CSMD1: variants seen among roughly 807,000 people sequenced by gnomAD.
CSMD1 encodes CUB and Sushi multiple domains 1.
Under a neutral mutation model 417.5 loss-of-function variants are expected in CSMD1, and 213 were observed. That is an observed-to-expected ratio of 0.51 (90% CI 0.46 to 0.57). The LOEUF (loss-of-function observed/expected upper bound fraction) is 0.57. Ranked by LOEUF, CSMD1 falls within the 20% of genes least tolerant of loss-of-function variation. The pLI, the probability that CSMD1 is intolerant of heterozygous loss-of-function variation, is 0.00. For synonymous variants in CSMD1, 2,862 were observed against 1,736.8 expected, an observed-to-expected ratio of 1.65 and a Z score of -16.11; for missense variants, 6,923 against 4,529.7, an observed-to-expected ratio of 1.53 and a Z score of -15.17.
chr8:4,234,880 G>A (rs1412798576), intron 3 of CSMD1, among the ~76,000 whole-genome samples: 4 of 152,068 alleles, frequency 2.6e-5, no homozygotes, highest in South Asian at 4.1e-4. Context: ...CTTTTCCTCG[G>A]TGTGTGAACA....
chr8:4,281,287 G>T (rs956496000), intron 3 of CSMD1, among the ~76,000 whole-genome samples: 1 of 152,200 alleles, frequency 6.6e-6, no homozygotes, highest in Admixed American at 6.5e-5. Context: ...GAAAATAGAA[G>T]GTAGAGATAT....
intron 3 of CSMD1, among the ~76,000 whole-genome samples, chr8:4,398,988 A>G (rs1217873939): frequency 6.6e-6 from 1 of 152,226 alleles, no homozygotes; most frequent in Non-Finnish European, 1.5e-5. Context: ...AGTCAAAATT[A>G]TTTACTGAGC....
At chr8:3,383,868 T>C (rs1810795902) in intron 18 of CSMD1, among the ~76,000 whole-genome samples, 1 of 152,154 alleles carries the variant, frequency 6.6e-6, no homozygotes, top group South Asian at 2.1e-4. Flanking sequence ...TTTTGATATG[T>C]TTAAGCAATA....
chr8:4,391,385 G>A (rs1803840539), intron 3 of CSMD1, among the ~76,000 whole-genome samples: 1 of 152,140 alleles, frequency 6.6e-6, no homozygotes, highest in East Asian at 1.9e-4. Flanking sequence ...CAGAAAAAGT[G>A]ATGTAAGACT....
intron 5 of CSMD1, among the ~76,000 whole-genome samples, chr8:3,932,002 G>A (rs577508647): frequency 1.1e-4 from 17 of 149,702 alleles, no homozygotes; most frequent in South Asian, 6.5e-4. Context: ...TAGAAATGGG[G>A]GAAAGGAGAA....
In CSMD1 at chr8:2,983,233, C is replaced by CAAGAGCA. The variant is rs1412384631; in HGVS notation, c.8378-4434_8378-4433insTGCTCTT. On this transcript the variant is annotated intron_variant, in intron 54 of 69. Transcript: ENST00000635120. ...ATGGAGTCTTGCTCTGTCTCCCATGCTGGAGTGCAGTGGCACAATCTCGGC... is the reference window on the plus strand; with the variant it reads ...ATGGAGTCTTGCTCTGTCTCCCATGCAAGAGCATGGAGTGCAGTGGCACAATCTCGGC... 2.0e-5 allele frequency among the ~76,000 whole-genome samples: 3 copies of CAAGAGCA among 152,164 alleles called. No individual in the cohort carries two copies. The East Asian group carries it at 5.8e-4, about 29-fold the overall frequency.
At chr8:3,927,369 T>A (rs1301903637) in intron 5 of CSMD1, among the ~76,000 whole-genome samples, 1 of 151,944 alleles carries the variant, frequency 6.6e-6, no homozygotes, top group Non-Finnish European at 1.5e-5. Flanking sequence ...TATCACTGTA[T>A]AACAGAAAAC....
chr8:3,155,992 G>C (rs1025957090), intron 39 of CSMD1, among the ~76,000 whole-genome samples: 3 of 152,190 alleles, frequency 2.0e-5, no homozygotes, highest in Non-Finnish European at 4.4e-5. Context: ...AAATTTATTT[G>C]AGATGTGGGG....
chr8:3,069,510 A>G (rs1813182420), intron 49 of CSMD1, among the ~76,000 whole-genome samples: 1 of 152,098 alleles, frequency 6.6e-6, no homozygotes, highest in Non-Finnish European at 1.5e-5. Flanking sequence ...GGCAGTCAGT[A>G]AATCTTAAAC....
At chr8:3,184,259 A>G (rs1207756444) in intron 36 of CSMD1, among the ~76,000 whole-genome samples, 1 of 152,150 alleles carries the variant, frequency 6.6e-6, no homozygotes, top group East Asian at 1.9e-4. Flanking sequence ...TATTTCCCAA[A>G]CTAAGCCACT....
intron 3 of CSMD1, among the ~76,000 whole-genome samples, chr8:4,048,659 C>G (rs949843963): frequency 2.0e-5 from 3 of 152,202 alleles, no homozygotes; most frequent in Admixed American, 2.0e-4. Flanking sequence ...TGACTTCCAA[C>G]CACAGAGGAA....
At chr8:4,184,491 G>C (rs966767159) in intron 3 of CSMD1, among the ~76,000 whole-genome samples, 7 of 152,062 alleles carry the variant, frequency 4.6e-5, no homozygotes, top group Non-Finnish European at 8.8e-5. Context: ...ACTGGATAAA[G>C]AAAATGTGGC....
intron 3 of CSMD1, among the ~76,000 whole-genome samples, chr8:4,034,550 C>T (rs1455290839): frequency 6.6e-6 from 1 of 152,136 alleles, no homozygotes; most frequent in East Asian, 1.9e-4. Context: ...GAAAAACTTT[C>T]CATTTTATCA....
chr8:4,994,134 CG>C (rs969604613), intron 1 of CSMD1, among the ~76,000 whole-genome samples, 197 bp downstream of exon 1: 7 of 141,910 alleles, frequency 4.9e-5, no homozygotes, highest in African/African-American at 1.8e-4. Flanking sequence ...CGGGGTGGGG[CG>C]GGGGCCCAGG....
intron 40 of CSMD1, among the ~76,000 whole-genome samples, chr8:3,143,826 C>G (rs1818666331): frequency 6.6e-6 from 1 of 152,124 alleles, no homozygotes; most frequent in Non-Finnish European, 1.5e-5. Flanking sequence ...GGTTTTCCTA[C>G]TTCATTGGAA....
At chr8:4,862,339 G>C (rs982361258) in intron 1 of CSMD1, among the ~76,000 whole-genome samples, 1 of 152,058 alleles carries the variant, frequency 6.6e-6, no homozygotes, top group Non-Finnish European at 1.5e-5. Context: ...AATTATTAGA[G>C]GGCTTTGCAC....
At chr8:4,396,898 T>A (rs1804264848) in intron 3 of CSMD1, among the ~76,000 whole-genome samples, 1 of 152,144 alleles carries the variant, frequency 6.6e-6, no homozygotes, top group Middle Eastern at 3.4e-3. Flanking sequence ...GGGAGGCAGA[T>A]GGGAAACAAA....
rs73661104 is a variant in CSMD1 at position 4,736,247 on chromosome 8, A to T, written c.86-98689T>A. Among the ~76,000 whole-genome samples, 46 of 152,106 alleles carry T rather than the reference A, an allele frequency of 3.0e-4. 1 individual carries two copies. Among genetic ancestry groups the T allele is most frequent in the Admixed American group, 2.0e-4 (3 of 15,274 alleles). On this transcript the variant is annotated intron_variant, in intron 1 of 69. Coordinates refer to ENST00000635120, the MANE Select transcript of CSMD1 (RefSeq NM_033225.6). Reference sequence around the variant, plus strand: ...TAAAAAATTTAAAAAGAGACGTAAAAGTTCTCACACTTTTTATTTTCTTCA... The same window carrying T: ...TAAAAAATTTAAAAAGAGACGTAAATGTTCTCACACTTTTTATTTTCTTCA...
chr8:4,592,468 C>T (rs1800040474), intron 2 of CSMD1, among the ~76,000 whole-genome samples: 1 of 151,948 alleles, frequency 6.6e-6, no homozygotes. Flanking sequence ...CTCACTGCAA[C>T]CTCCACCTGC....
Sources: allele counts gnomAD v4.1 joint callset (sites outside exome capture counted in the v4.1 genomes callset), GRCh38; gene constraint gnomAD v4.1.1; transcripts MANE v1.5; gene names NCBI Gene and HGNC (gene_info 2026-07-23, HGNC 2026-07-21).